Variants in PCDHGA3 observed in about 807,000 individuals in gnomAD.
PCDHGA3 encodes protocadherin gamma-A3.
A neutral mutation model predicts 58.5 loss-of-function variants in PCDHGA3; 40 were observed. The ratio of observed to expected loss-of-function variants is 0.68; its 90% CI spans 0.53 to 0.89. The LOEUF is 0.89. Ranked by LOEUF, PCDHGA3 falls within the 40% of genes least tolerant of loss-of-function variation. The pLI is 0.00. For missense variants in PCDHGA3, 1,223 were observed against 1,195.9 expected, an observed-to-expected ratio of 1.02 and a Z score of -0.33; for synonymous variants, 530 against 525.7, an observed-to-expected ratio of 1.01 and a Z score of -0.11.
chr5:141,438,595 T>TAC (rs2098000070), intron 1 of PCDHGA3, among the ~76,000 whole-genome samples: 6 of 58,022 alleles, frequency 1.0e-4, no homozygotes, highest in African/African-American at 1.8e-4. Context: ...TACATACATA[T>TAC]ATATATATAT....
At chr5:141,475,218 A>G (rs2154572291) in intron 1 of PCDHGA3, among the ~76,000 whole-genome samples, 1 of 152,326 alleles carries the variant, frequency 6.6e-6, no homozygotes, top group African/African-American at 2.4e-5. Flanking sequence ...GGATTGATCA[A>G]GTAAAGGGAA....
intron 3 of PCDHGA3, among the ~76,000 whole-genome samples, chr5:141,510,272 TAAAAAA>T (rs546154379): frequency 7.7e-6 from 1 of 130,390 alleles, no homozygotes; most frequent in Non-Finnish European, 1.6e-5. Context: ...GACTCCATCT[TAAAAAA>T]AAAAAAAAAA....
Position 141,348,075 on chromosome 5 carries a change from T to C in PCDHGA3, c.2424+1618T>C, listed in dbSNP as rs13357797. On this transcript the variant is annotated intron_variant, in intron 1 of 3. Coordinates refer to ENST00000253812, the MANE Select transcript of PCDHGA3 (RefSeq NM_018916.4). Reference sequence around the variant, plus strand: ...CTTCTTTTGTCATGTTCTACAACTTTCTTGAGCCAGAAATTGTTGGCTTAT... The same window carrying C: ...CTTCTTTTGTCATGTTCTACAACTTCCTTGAGCCAGAAATTGTTGGCTTAT... Among the ~76,000 whole-genome samples, 661 of 152,348 alleles carry C rather than the reference T, an allele frequency of 4.3e-3. 8 individuals carry two copies. Among genetic ancestry groups the C allele is most frequent in the African/African-American group, 0.015 (627 of 41,586 alleles).
intron 1 of PCDHGA3, among the ~76,000 whole-genome samples, chr5:141,380,756 T>C (rs777302606): frequency 2.0e-5 from 3 of 152,238 alleles, no homozygotes; most frequent in Non-Finnish European, 4.4e-5. Context: ...ACCAAGACAC[T>C]ATAAATTAAT....
intron 1 of PCDHGA3, chr5:141,385,306 A>T (rs1479708640): frequency 8.7e-6 from 14 of 1,612,618 alleles, no homozygotes; most frequent in Non-Finnish European, 1.2e-5. Context: ...ATGTAAAGAA[A>T]ACCTGCCAAG....
rs751320023 is a variant in PCDHGA3 at position 141,431,263 on chromosome 5, G to T, written c.2425-63544G>T. 6 of 1,614,060 alleles carry T rather than the reference G, an allele frequency of 3.7e-6. No homozygotes were observed. In the East Asian group the frequency reaches 1.3e-4, roughly 36 times the overall value. ...CGGATATCGGGAAGAACTCTCTGCA[G>T]AGCTACGAGCTCAGCCCGAACACTC... On this transcript the variant is annotated intron_variant, in intron 1 of 3. Transcript: ENST00000253812. The surrounding 1 kb of genome is among the most constrained non-coding windows in gnomAD (Gnocchi z 4.8).
chr5:141,404,103 G>C lies in PCDHGA3; in HGVS notation c.2424+57646G>C, dbSNP rs773489391. 14 of 1,613,372 alleles carry C rather than the reference G, an allele frequency of 8.7e-6. No homozygotes were observed. In the East Asian group the frequency reaches 2.9e-4, roughly 33 times the overall value. On this transcript the variant is annotated intron_variant, in intron 1 of 3. Transcript: ENST00000253812. ...TCCGGGAAGAATGGTCAAGTTGTCT[G>C]TTCTATCCAGGAGAATCTATCTTTT...
chr5:141,491,316 T>C lies in PCDHGA3; in HGVS notation c.2425-3491T>C. The C allele has an allele frequency of 3.1e-6, 5 of 1,614,176 alleles. No homozygotes were observed. The highest frequency in any genetic ancestry group is 3.4e-6 in the Non-Finnish European group (4 of 1,180,004). ...CTCCTGAGCGTTCAGACCTTACCCT[T>C]TACCTCATTGTGGCTCTAGCGACCG... is the stretch of plus-strand genomic sequence containing the variant. On this transcript the variant is annotated intron_variant, in intron 1 of 3. Coordinates refer to ENST00000253812, the MANE Select transcript of PCDHGA3 (RefSeq NM_018916.4). The surrounding 1 kb of genome is among the most constrained non-coding windows in gnomAD (Gnocchi z 6.9).
intron 1 of PCDHGA3, chr5:141,418,849 G>T (rs1479117344): frequency 1.5e-5 from 25 of 1,613,886 alleles, no homozygotes; most frequent in Non-Finnish European, 1.8e-5. Context: ...TCTCAACACG[G>T]TGTAAAGTAA....
At chr5:141,400,077 C>T in intron 1 of PCDHGA3, 4 of 1,614,040 alleles carry the variant, frequency 2.5e-6, no homozygotes, top group South Asian at 1.1e-5. Context: ...AGCCGCCACT[C>T]TCCGCCACCG....
intron 2 of PCDHGA3, among the ~76,000 whole-genome samples, chr5:141,499,265 C>T (rs1220250999): frequency 6.6e-6 from 1 of 152,128 alleles, no homozygotes; most frequent in African/African-American, 2.4e-5. Context: ...CATTTGGTCC[C>T]TAGACTGTTC....
chr5:141,480,719 A>G (rs1455113968), intron 1 of PCDHGA3, among the ~76,000 whole-genome samples: 1 of 152,194 alleles, frequency 6.6e-6, no homozygotes, highest in Non-Finnish European at 1.5e-5. Flanking sequence ...ATGAAAGCAC[A>G]GTCTCTGGGG....
intron 1 of PCDHGA3, chr5:141,415,868 G>A: frequency 9.2e-7 from 1 of 1,090,360 alleles, no homozygotes; most frequent in Non-Finnish European, 1.2e-6. Flanking sequence ...TTATAGTGTT[G>A]TTGAGTACAA....
chr5:141,403,210 C>G (rs369033480), intron 1 of PCDHGA3: 1 of 1,613,946 alleles, frequency 6.2e-7, no homozygotes, highest in Admixed American at 1.7e-5. Flanking sequence ...CCTTGGTCAC[C>G]GCGGGTAGGA....
At chr5:141,360,409 C>A (rs890064560) in intron 1 of PCDHGA3, 2 of 1,613,722 alleles carry the variant, frequency 1.2e-6, no homozygotes, top group Non-Finnish European at 1.7e-6. Context: ...CAGAATAGAC[C>A]GAGAACAGAT....
chr5:141,443,708 T>G (rs2098400247), intron 1 of PCDHGA3, among the ~76,000 whole-genome samples: 1 of 152,192 alleles, frequency 6.6e-6, no homozygotes, highest in Non-Finnish European at 1.5e-5. Context: ...GAATAACATT[T>G]GCATATAAAA....
At chr5:141,384,163 C>T in intron 1 of PCDHGA3, 1 of 1,613,658 alleles carries the variant, frequency 6.2e-7, no homozygotes, top group Non-Finnish European at 8.5e-7. Context: ...TAACATCACA[C>T]TGAAAGCCAC....
chr5:141,400,027 G>A, intron 1 of PCDHGA3: 20 of 1,612,664 alleles, frequency 1.2e-5, no homozygotes, highest in Non-Finnish European at 1.7e-5. Flanking sequence ...CAGGGACGCG[G>A]CCCGCCAGCG....
In PCDHGA3 at chr5:141,361,776, C is replaced by A. The variant is rs1291853084; in HGVS notation, c.2424+15319C>A. On this transcript the variant is annotated intron_variant, in intron 1 of 3. Transcript: ENST00000253812. ...CGCCCGCGCTCAGCGCCAACGTGAGCCTGCGCGTGTTAGTGGGCGACCTCA... is the reference window on the plus strand; with the variant it reads ...CGCCCGCGCTCAGCGCCAACGTGAGACTGCGCGTGTTAGTGGGCGACCTCA... 1.9e-6 allele frequency: 3 copies of A among 1,613,110 alleles called. No homozygotes were observed. In the East Asian group the frequency reaches 6.7e-5, roughly 36 times the overall value.
Sources: allele counts gnomAD v4.1 joint callset (sites outside exome capture counted in the v4.1 genomes callset), GRCh38; gene constraint gnomAD v4.1.1; non-coding constraint Gnocchi (gnomAD v3.1); transcripts MANE v1.5; gene names NCBI Gene and HGNC (gene_info 2026-07-23, HGNC 2026-07-21).